The following CSNK2A1 variants were observed in gnomAD, a reference collection of about 807,000 sequenced individuals.
CSNK2A1 encodes the protein casein kinase 2 alpha 1.
Under a neutral mutation model 62.9 loss-of-function variants are expected in CSNK2A1, and 10 were observed. The ratio of observed to expected loss-of-function variants is 0.16; its 90% CI spans 0.10 to 0.27. CSNK2A1 has a LOEUF of 0.27. CSNK2A1 is among the 10% of genes least tolerant of loss of function. CSNK2A1 has a pLI of 1.00. For synonymous variants in CSNK2A1, 124 were observed against 167.8 expected, an observed-to-expected ratio of 0.74 and a Z score of 2.02; for missense variants, 160 against 492.0, an observed-to-expected ratio of 0.33 and a Z score of 6.38.
intron 9 of CSNK2A1, among the ~76,000 whole-genome samples, chr20:490,335 C>CTTTTTTTTTTTTTTTTTTTTT (rs907727482): frequency 1.3e-4 from 11 of 84,788 alleles, no homozygotes; most frequent in African/African-American, 2.2e-4. Context: ...CTAGTTTTTT[C>CTTTTTTTTTTTTTTTTTTTTT]TTTTTTTTTT....
At chr20:484,663 T>C (rs2018027098) in intron 13 of CSNK2A1, among the ~76,000 whole-genome samples, 1 of 151,720 alleles carries the variant, frequency 6.6e-6, no homozygotes, top group African/African-American at 2.4e-5. Context: ...TTTATTTCCA[T>C]TTGATTTCTT....
chr20:525,222 T>C (rs1271478684), intron 2 of CSNK2A1, among the ~76,000 whole-genome samples: 1 of 152,150 alleles, frequency 6.6e-6, no homozygotes, highest in African/African-American at 2.4e-5. Flanking sequence ...TAGAAATTTA[T>C]AAACTTAGGC....
chr20:532,896 C>T (rs2019242867), intron 1 of CSNK2A1, among the ~76,000 whole-genome samples: 1 of 152,134 alleles, frequency 6.6e-6, no homozygotes, highest in Non-Finnish European at 1.5e-5. Flanking sequence ...CAAAACAAGC[C>T]TCCTTACCCT....
intron 2 of CSNK2A1, among the ~76,000 whole-genome samples, chr20:526,390 T>G (rs948377267): frequency 1.3e-5 from 2 of 152,020 alleles, no homozygotes; most frequent in African/African-American, 4.8e-5. Context: ...GCGGGAAGAC[T>G]GCTTGAGCCC....
chr20:525,148 C>T (rs1407583375), intron 2 of CSNK2A1, among the ~76,000 whole-genome samples: 3 of 152,070 alleles, frequency 2.0e-5, no homozygotes, highest in African/African-American at 7.2e-5. Flanking sequence ...AAAACATAGG[C>T]TATAGAGAGT....
At chr20:513,914 T>C (rs1453398618) in intron 2 of CSNK2A1, among the ~76,000 whole-genome samples, 1 of 152,216 alleles carries the variant, frequency 6.6e-6, no homozygotes, top group Admixed American at 6.5e-5. Context: ...AATCTGCTTA[T>C]AGTAAGAAAG....
chr20:504,649 T>C (rs2018538706), intron 4 of CSNK2A1: 1 of 155,510 alleles, frequency 6.4e-6, no homozygotes, highest in Non-Finnish European at 1.4e-5. Context: ...TGAAGAGGCA[T>C]GTGTTTCCCA....
At chr20:512,484 A>C (rs2018742729) in intron 2 of CSNK2A1, among the ~76,000 whole-genome samples, 1 of 152,146 alleles carries the variant, frequency 6.6e-6, no homozygotes, top group South Asian at 2.1e-4. Context: ...TAACTTAGCT[A>C]CCACACCCAA....
intron 10 of CSNK2A1, chr20:489,382 G>A (rs183052202): frequency 3.8e-5 from 9 of 239,046 alleles, no homozygotes; most frequent in African/African-American, 1.6e-4. Flanking sequence ...AGAGCCCTTT[G>A]ATCTTCAAGG....
intron 12 of CSNK2A1, 80 bp from the exon 13 acceptor site, chr20:486,542 C>G (rs945280154): frequency 1.3e-6 from 2 of 1,500,266 alleles, no homozygotes; most frequent in Non-Finnish European, 9.1e-7. Flanking sequence ...AAGCAGCCAG[C>G]TTCATTCTTT....
At position 499,983 on chromosome 20, in the gene CSNK2A1, CA is replaced by C; in HGVS notation, c.214-50del. On this transcript the variant is annotated intron_variant, in intron 4 of 13. Coordinates refer to ENST00000217244, the MANE Select transcript of CSNK2A1 (RefSeq NM_177559.3). This position sits in a 1 kb window ranked among gnomAD's most constrained non-coding sequence, Gnocchi z 4.2. ...CAAAAAAAAAAAAAAAAAATTTTTT[CA>C]GAGTATTTCAACACGTAGTGTAATA... is the stretch of plus-strand genomic sequence containing the variant. The C allele has an allele frequency of 1.5e-6, 2 of 1,336,292 alleles. No individual in the cohort carries two copies. Among genetic ancestry groups the C allele is most frequent in the South Asian group, 2.5e-5 (2 of 81,116 alleles). 82.8% of individuals were successfully genotyped at this position (1,336,292 alleles called of 1,614,324 possible).
chr20:503,239 G>A (rs1298632968), intron 4 of CSNK2A1: 2 of 358,102 alleles, frequency 5.6e-6, no homozygotes, highest in Non-Finnish European at 5.0e-6. Context: ...TCAACTTCCA[G>A]GCTCAAGCGA....
chr20:526,307 T>C (rs1415236474), intron 2 of CSNK2A1, among the ~76,000 whole-genome samples: 1 of 151,692 alleles, frequency 6.6e-6, no homozygotes, highest in Admixed American at 6.6e-5. Flanking sequence ...CCCCAATCTC[T>C]ACAAAAATAA....
At position 475,549 on chromosome 20, in the gene CSNK2A1, C is replaced by T. The variant is rs2017832571; in HGVS notation, c.*8412G>A. On this transcript the variant is annotated 3_prime_UTR_variant, in exon 14 of 14. Transcript: ENST00000217244. ...TATATGTGGTTGCCTTCTGTTCCTACTGATATATATGAATAGTATGGCTGA... is the reference window on the plus strand; with the variant it reads ...TATATGTGGTTGCCTTCTGTTCCTATTGATATATATGAATAGTATGGCTGA... 1 of 151,758 alleles carries T rather than the reference C, an allele frequency of 6.6e-6. No individual in the cohort carries two copies. The highest frequency in any genetic ancestry group is 6.6e-5 in the Admixed American group (1 of 15,246). 9.4% of individuals were successfully genotyped at this position (151,758 alleles called of 1,614,324 possible). A position where few individuals can be genotyped will look rare whatever the true frequency, so the allele number is the denominator to read the frequency against.
chr20:535,683 G>A (rs1218274361), intron 1 of CSNK2A1, among the ~76,000 whole-genome samples: 1 of 149,996 alleles, frequency 6.7e-6, no homozygotes, highest in African/African-American at 2.5e-5. Flanking sequence ...TTGAACCCAG[G>A]AGGCAGAGAT....
Position 543,668 on chromosome 20 carries a change from G to A in CSNK2A1, c.-227+4C>T. ...ACGACCTCGCCTGGCTGCTCCCTAG[G>A]TACCTGTGGTGGAAGCGGCAGCGGC... On this transcript the variant is annotated splice_donor_region_variant and intron_variant, in intron 1 of 13. Transcript: ENST00000217244. The A allele has an allele frequency of 2.5e-6, 1 of 398,182 alleles. No individual in the cohort carries two copies. Among genetic ancestry groups the A allele is most frequent in the East Asian group, 3.6e-5 (1 of 28,060 alleles). The allele number at this position is 398,182 out of a possible 1,614,324, so 24.7% of individuals were successfully genotyped here.
chr20:530,001 T>G (rs890732104), intron 1 of CSNK2A1, among the ~76,000 whole-genome samples: 1 of 152,190 alleles, frequency 6.6e-6, no homozygotes, highest in African/African-American at 2.4e-5. Context: ...ATAAAATCCA[T>G]GTAACATAAA....
At chr20:520,298 G>T (rs1156624020) in intron 2 of CSNK2A1, among the ~76,000 whole-genome samples, 1 of 152,022 alleles carries the variant, frequency 6.6e-6, no homozygotes, top group Non-Finnish European at 1.5e-5. Flanking sequence ...AATAAAGCTG[G>T]AAGAATTATA....
intron 1 of CSNK2A1, among the ~76,000 whole-genome samples, chr20:534,257 A>G (rs1354590767): frequency 2.0e-5 from 3 of 152,214 alleles, no homozygotes; most frequent in Non-Finnish European, 4.4e-5. Flanking sequence ...ACTAAATTTA[A>G]TACTATTTCC....
Sources: allele counts gnomAD v4.1 joint callset (sites outside exome capture counted in the v4.1 genomes callset), GRCh38; gene constraint gnomAD v4.1.1; non-coding constraint Gnocchi (gnomAD v3.1); transcripts MANE v1.5; gene names NCBI Gene and HGNC (gene_info 2026-07-23, HGNC 2026-07-21).